Variants in CFAP44 observed in about 807,000 individuals in gnomAD.
CFAP44 encodes the protein cilia and flagella associated protein 44.
Under a neutral mutation model 216.2 loss-of-function variants are expected in CFAP44, and 134 were observed. That is an observed-to-expected ratio of 0.62 (90% CI 0.54 to 0.72). The LOEUF is 0.72. CFAP44 is among the 30% of genes least tolerant of loss of function. The pLI, the probability that CFAP44 is intolerant of heterozygous loss-of-function variation, is 0.00. For missense variants in CFAP44, 2,035 were observed against 2,182.1 expected, an observed-to-expected ratio of 0.93 and a Z score of 1.34; for synonymous variants, 700 against 727.6, an observed-to-expected ratio of 0.96 and a Z score of 0.61.
At chr3:113,392,075 A>C (rs60940543) in intron 15 of CFAP44, among the ~76,000 whole-genome samples, 4,359 of 152,282 alleles carry the variant, frequency 0.029, 110 homozygotes, top group East Asian at 0.1. Context: ...CAGTATATTG[A>C]AGGAAATCAG....
At chr3:113,400,111 G>C in intron 12 of CFAP44, 111 bp from the exon 13 acceptor site, 1 of 633,750 alleles carries the variant, frequency 1.6e-6, no homozygotes, top group Non-Finnish European at 2.5e-6. Context: ...AACTAAATCA[G>C]TCAATAACTT....
intron 24 of CFAP44, among the ~76,000 whole-genome samples, chr3:113,336,286 T>G (rs1427601508): frequency 6.6e-6 from 1 of 152,042 alleles, no homozygotes; most frequent in African/African-American, 2.4e-5. Flanking sequence ...AAGCTAGTTC[T>G]TTGAAAAGAT....
intron 7 of CFAP44, among the ~76,000 whole-genome samples, chr3:113,408,236 G>A (rs948938434): frequency 7.2e-5 from 11 of 152,262 alleles, no homozygotes; most frequent in Admixed American, 1.3e-4. Context: ...AAATGCATGA[G>A]ACAAAGTGGA....
In CFAP44 at chr3:113,296,901, C is replaced by CA; in HGVS notation, c.5078-17dup. ...TCCTCCATTTCTAAAAGAAGACAGTCACTGGCTCAGGTTGTTCAATGGCTC... is the reference window on the plus strand; with the variant it reads ...TCCTCCATTTCTAAAAGAAGACAGTCAACTGGCTCAGGTTGTTCAATGGCTC... On this transcript the variant is annotated splice_polypyrimidine_tract_variant and intron_variant, in intron 32 of 34. Transcript: ENST00000393845. 10 of 1,537,190 alleles carry CA rather than the reference C, an allele frequency of 6.5e-6. No homozygotes were observed. Among genetic ancestry groups the CA allele is most frequent in the Non-Finnish European group, 8.7e-6 (10 of 1,146,878 alleles).
chr3:113,324,509 AAT>A (rs1950173091), intron 28 of CFAP44, among the ~76,000 whole-genome samples: 1 of 152,210 alleles, frequency 6.6e-6, no homozygotes, highest in South Asian at 2.1e-4. Context: ...CTAAAAAGAA[AAT>A]TACATGATCA....
In CFAP44 at chr3:113,340,922, T is replaced by C. The variant is rs533707137; in HGVS notation, c.3437+822A>G. Among the ~76,000 whole-genome samples, 9 of 152,280 alleles carry C rather than the reference T, an allele frequency of 5.9e-5. No individual in the cohort carries two copies. In the South Asian group the frequency reaches 1.7e-3, roughly 28 times the overall value. ...ACCAATGGGAGAACCAGAAGGGAGA[T>C]GGTTTTTCCCTGGAGTTGGGCCACT... On this transcript the variant is annotated intron_variant, in intron 24 of 34. Coordinates refer to ENST00000393845, the MANE Select transcript of CFAP44 (RefSeq NM_001164496.2).
At position 113,358,755 on chromosome 3, in the gene CFAP44, G is replaced by A. The variant is rs1950513421; in HGVS notation, c.3055C>T (p.Leu1019=). The part of the protein sequence containing the change: ...KEKHELGLMK[L]KNRFRDPLES... ...GAATATGGATCCTACCGATTCTTTA[G>A]CTTCATTAGGCCGAGTTCATGTTTC... The change falls in exon 22 of 35, where the codon CTA becomes TTA. Residue 1019 remains leucine (L), a synonymous_variant. Transcript: ENST00000393845. 1 of 1,536,380 alleles carries A rather than the reference G, an allele frequency of 6.5e-7. No homozygotes were observed. The highest frequency in any genetic ancestry group is 1.4e-5 in the African/African-American group (1 of 72,994).
At chr3:113,433,208 C>T (rs1032463285) in intron 2 of CFAP44, among the ~76,000 whole-genome samples, 1 of 151,882 alleles carries the variant, frequency 6.6e-6, no homozygotes, top group Non-Finnish European at 1.5e-5. Context: ...GCAGGTGGAT[C>T]ACCTGAGGTC....
At chr3:113,434,644 T>C (rs906812983) in intron 1 of CFAP44, 2 of 152,214 alleles carry the variant, frequency 1.3e-5, no homozygotes, top group Non-Finnish European at 2.9e-5. Flanking sequence ...TTCCTCAACA[T>C]TCTTCTACGA....
intron 7 of CFAP44, among the ~76,000 whole-genome samples, chr3:113,408,177 C>T (rs1934341048): frequency 6.6e-6 from 1 of 152,104 alleles, no homozygotes; most frequent in Non-Finnish European, 1.5e-5. Flanking sequence ...CTTAGAGACA[C>T]TGATAATCAA....
chr3:113,358,308 TTA>T, intron 22 of CFAP44, among the ~76,000 whole-genome samples: 1 of 152,162 alleles, frequency 6.6e-6, no homozygotes, highest in Middle Eastern at 3.4e-3. Flanking sequence ...TTTATGTAAA[TTA>T]TATCTCAGTA....
intron 25 of CFAP44, among the ~76,000 whole-genome samples, chr3:113,333,176 T>A (rs1003565755): frequency 6.6e-6 from 1 of 152,202 alleles, no homozygotes; most frequent in Non-Finnish European, 1.5e-5. Context: ...TGCAGCTGGT[T>A]CTTCCATATT....
chr3:113,388,545 A>G (rs1484415716), intron 15 of CFAP44, among the ~76,000 whole-genome samples: 1 of 152,220 alleles, frequency 6.6e-6, no homozygotes, highest in Non-Finnish European at 1.5e-5. Flanking sequence ...TTACTTATCA[A>G]CAATAGCATT....
intron 22 of CFAP44, among the ~76,000 whole-genome samples, chr3:113,346,982 C>G (rs1282867742): frequency 6.6e-6 from 1 of 152,146 alleles, no homozygotes; most frequent in East Asian, 1.9e-4. Flanking sequence ...TCAGCGAGAC[C>G]AAGAACCCAC....
At chr3:113,391,192 A>G (rs961335943) in intron 15 of CFAP44, among the ~76,000 whole-genome samples, 1 of 152,116 alleles carries the variant, frequency 6.6e-6, no homozygotes, top group Non-Finnish European at 1.5e-5. Context: ...AAATCCATAC[A>G]TCTACGATGA....
chr3:113,299,054 T>C (rs1002042579), intron 32 of CFAP44, among the ~76,000 whole-genome samples: 6 of 152,072 alleles, frequency 3.9e-5, no homozygotes, highest in Non-Finnish European at 8.8e-5. Flanking sequence ...AAATAAAAGA[T>C]TAATAAATTA....
chr3:113,300,285 T>G (rs1949922382), intron 32 of CFAP44, among the ~76,000 whole-genome samples: 1 of 152,156 alleles, frequency 6.6e-6, no homozygotes, highest in Non-Finnish European at 1.5e-5. Flanking sequence ...AAATAAAATC[T>G]GGTATTTGAT....
rs1442101641 is a variant in CFAP44 at position 113,388,941 on chromosome 3, C to T, written c.1890+6809G>A. On this transcript the variant is annotated intron_variant, in intron 15 of 34. Coordinates refer to ENST00000393845, the MANE Select transcript of CFAP44 (RefSeq NM_001164496.2). ...ACAACAATAGCTGGAGATTCTAACA[C>T]CCAACTGTCAACACTGGACAGATCA... Among the ~76,000 whole-genome samples the T allele has an allele frequency of 2.0e-5, 3 of 152,122 alleles. No homozygotes were observed. The East Asian group carries it at 5.8e-4, about 29-fold the overall frequency.
At chr3:113,426,894 A>G (rs1024262520) in intron 3 of CFAP44, 2 of 325,982 alleles carry the variant, frequency 6.1e-6, no homozygotes, top group South Asian at 4.9e-5. Context: ...GGAACTCCCA[A>G]TTACTTCCAA....
Sources: gnomAD v4.1 joint callset for allele counts (sites outside exome capture counted in the v4.1 genomes callset) on GRCh38, gnomAD v4.1.1 for gene constraint, MANE v1.5 for transcripts, NCBI Gene and HGNC (gene_info 2026-07-23, HGNC 2026-07-21) for gene names.